SEPSECS: variants seen among roughly 807,000 people sequenced by gnomAD.
The protein encoded by SEPSECS is Sep (O-phosphoserine) tRNA:Sec (selenocysteine) tRNA synthase.
A neutral mutation model predicts 52.1 loss-of-function variants in SEPSECS; 42 were observed. The ratio of observed to expected loss-of-function variants is 0.81; its 90% CI spans 0.63 to 1.04. The LOEUF (loss-of-function observed/expected upper bound fraction) is 1.04. Ranked by LOEUF, SEPSECS falls within the 50% of genes least tolerant of loss-of-function variation. The probability of loss-of-function intolerance (pLI) is 0.00; values close to 1 mark genes in which losing one functional copy is unlikely to be tolerated. For synonymous variants in SEPSECS, 216 were observed against 211.4 expected (o/e 1.02, Z -0.19); for missense variants, 590 against 610.6 (o/e 0.97, Z 0.36).
At position 25,160,291 on chromosome 4, in the gene SEPSECS, AGCGGCGG is replaced by A; in HGVS notation, c.72_78del (p.Arg26MetfsTer40). 6.4e-7 allele frequency: 1 copy of A among 1,552,526 alleles called. No homozygotes were observed. Among genetic ancestry groups the A allele is most frequent in the Non-Finnish European group, 8.7e-7 (1 of 1,147,720 alleles). On this transcript the variant is annotated frameshift_variant, in exon 1 of 11. Coordinates refer to ENST00000382103, the MANE Select transcript of SEPSECS (RefSeq NM_016955.4). LOFTEE classifies it high-confidence loss of function. Reference sequence around the variant, plus strand: ...AGCAGCCGTATGAGGTGCTCATGCGAGCGGCGGGCCTCACAGCCCTGCCGCACGTAAG... The same window carrying A: ...AGCAGCCGTATGAGGTGCTCATGCGAGCCTCACAGCCCTGCCGCACGTAAG...
chr4:25,141,016 T>C (rs1347867443), intron 8 of SEPSECS, among the ~76,000 whole-genome samples: 1 of 152,160 alleles, frequency 6.6e-6, no homozygotes, highest in Non-Finnish European at 1.5e-5. Flanking sequence ...TTATGTAACA[T>C]TTATATTGTA....
In SEPSECS at chr4:25,156,881, C is replaced by A; in HGVS notation, c.363G>T (p.Leu121Phe). ...CAGCCAGCTTTATAATGTCCAGGAC[C>A]AAAGAATTGGTAATTTTGTTCAAAA... is the stretch of plus-strand genomic sequence containing the variant. ...SSLLNKITNS[L>F]VLDIIKLAGV... The change falls in exon 3 of 11, where the codon TTG (leucine) becomes TTT (phenylalanine). Residue 121 changes from leucine (L) to phenylalanine (F), a missense_variant. Transcript: ENST00000382103. 1 of 1,605,750 alleles carries A rather than the reference C, an allele frequency of 6.2e-7. No homozygotes were observed. The highest frequency in any genetic ancestry group is 8.5e-7 in the Non-Finnish European group (1 of 1,172,684).
intron 8 of SEPSECS, among the ~76,000 whole-genome samples, chr4:25,138,008 A>G (rs2109014908): frequency 6.6e-6 from 1 of 152,328 alleles, no homozygotes; most frequent in Admixed American, 6.5e-5. Context: ...TGGGAGCTGA[A>G]CAATGAGAAC....
intron 10 of SEPSECS, 188 bp downstream of exon 10, chr4:25,125,506 G>C (rs1444592401): frequency 1.7e-5 from 10 of 605,306 alleles, no homozygotes; most frequent in Non-Finnish European, 2.7e-5. Context: ...GACTATTTCA[G>C]GCATAAGCAG....
chr4:25,132,582 G>T (rs1026037796), intron 8 of SEPSECS, among the ~76,000 whole-genome samples: 1 of 152,194 alleles, frequency 6.6e-6, no homozygotes, highest in African/African-American at 2.4e-5. Context: ...CCTACTAAAT[G>T]AAGTTGTTAA....
chr4:25,152,970 C>T (rs951729095), intron 5 of SEPSECS, among the ~76,000 whole-genome samples: 5 of 151,984 alleles, frequency 3.3e-5, no homozygotes, highest in South Asian at 2.1e-4. Flanking sequence ...TACCGATTTA[C>T]GCATAATACA....
intron 8 of SEPSECS, among the ~76,000 whole-genome samples, chr4:25,138,338 A>T (rs1242467987): frequency 1.3e-5 from 2 of 152,120 alleles, no homozygotes; most frequent in African/African-American, 4.8e-5. Flanking sequence ...TATTTAGTTT[A>T]AAAATAAACT....
At chr4:25,143,111 C>CAACAATCT (rs1666704531) in intron 8 of SEPSECS, among the ~76,000 whole-genome samples, 1 of 152,146 alleles carries the variant, frequency 6.6e-6, no homozygotes, top group African/African-American at 2.4e-5. Context: ...CTCTTGGCTA[C>CAACAATCT]AACAATCTAC....
chr4:25,158,879 T>C (rs551006246), intron 2 of SEPSECS, 74 bp downstream of exon 2: 26 of 1,390,002 alleles, frequency 1.9e-5, no homozygotes, highest in Middle Eastern at 1.8e-4. Context: ...TCTAATAAGA[T>C]AAATACTGCT....
chr4:25,154,612 ATTT>A (rs539983108), intron 5 of SEPSECS, among the ~76,000 whole-genome samples: 1 of 151,728 alleles, frequency 6.6e-6, no homozygotes, highest in African/African-American at 2.4e-5. Context: ...AACAATCCTA[ATTT>A]TTTTTTAATT....
At position 25,156,855 on chromosome 4, in the gene SEPSECS, C is replaced by T. The variant is rs2109035570; in HGVS notation, c.388+1G>A. The T allele has an allele frequency of 2.6e-6, 4 of 1,515,514 alleles. No homozygotes were observed. The highest frequency in any genetic ancestry group is 2.3e-5 in the East Asian group (1 of 44,274). 93.9% of individuals were successfully genotyped at this position (1,515,514 alleles called of 1,614,324 possible). On this transcript the variant is annotated splice_donor_variant, in intron 3 of 10. Transcript: ENST00000382103. LOFTEE classifies it high-confidence loss of function. ...AGCATTATGATTAAGACGGTACATA[C>T]CAGCCAGCTTTATAATGTCCAGGAC...
chr4:25,156,524 G>A (rs1712652102), intron 3 of SEPSECS, among the ~76,000 whole-genome samples: 1 of 151,578 alleles, frequency 6.6e-6, no homozygotes, highest in South Asian at 2.1e-4. Flanking sequence ...CTAACACGGT[G>A]AGACCCCCGT....
At chr4:25,132,456 T>C (rs1050173568) in intron 8 of SEPSECS, among the ~76,000 whole-genome samples, 1 of 152,142 alleles carries the variant, frequency 6.6e-6, no homozygotes, top group Non-Finnish European at 1.5e-5. Context: ...GCAAGTCCAT[T>C]TAAACAAAAG....
At position 25,123,708 on chromosome 4, in the gene SEPSECS, C is replaced by T. The variant is rs146860744; in HGVS notation, c.*223G>A. On this transcript the variant is annotated 3_prime_UTR_variant, in exon 11 of 11. Coordinates refer to ENST00000382103, the MANE Select transcript of SEPSECS (RefSeq NM_016955.4). ...AGATATTCTAACAATTAGAAAAATGCTAATTGTATATTATAACCTGTTAAG... is the reference window on the plus strand; with the variant it reads ...AGATATTCTAACAATTAGAAAAATGTTAATTGTATATTATAACCTGTTAAG... 1.4e-3 allele frequency: 770 copies of T among 536,948 alleles called. 6 individuals carry two copies. In the East Asian group the frequency reaches 0.021, roughly 15 times the overall value. The allele number at this position is 536,948 out of a possible 1,614,324, so 33.3% of individuals were successfully genotyped here.
intron 8 of SEPSECS, among the ~76,000 whole-genome samples, chr4:25,134,355 T>C (rs1461460319): frequency 6.7e-6 from 1 of 149,058 alleles, no homozygotes; most frequent in East Asian, 1.9e-4. Context: ...TGTGTGTGTA[T>C]AAAATTTGCT....
chr4:25,156,248 CCTT>C, intron 3 of SEPSECS, 53 bp from the exon 4 acceptor site: 5 of 1,480,286 alleles, frequency 3.4e-6, no homozygotes, highest in Non-Finnish European at 4.7e-6. Context: ...CACCCAGCAT[CCTT>C]CTTGAGGAAA....
chr4:25,129,568 G>A (rs888026767), intron 8 of SEPSECS, among the ~76,000 whole-genome samples: 3 of 151,482 alleles, frequency 2.0e-5, no homozygotes, highest in Non-Finnish European at 4.4e-5. Flanking sequence ...GTTGCAGTGA[G>A]CCAAGATTGT....
At position 25,122,089 on chromosome 4, in the gene SEPSECS, T is replaced by C. The variant is rs750476628; in HGVS notation, c.*1842A>G. 6.6e-6 allele frequency: 1 copy of C among 152,188 alleles called. No homozygotes were observed. 9.4% of individuals were successfully genotyped at this position (152,188 alleles called of 1,614,324 possible). On this transcript the variant is annotated 3_prime_UTR_variant, in exon 11 of 11. Coordinates refer to ENST00000382103, the MANE Select transcript of SEPSECS (RefSeq NM_016955.4). ...TCAGCAATTTAGTCCCAAATTCTCA[T>C]GAAAAATTTACACTTTTTAATCCAG...
chr4:25,155,950 T>C, intron 4 of SEPSECS, 87 bp downstream of exon 4: 1 of 1,285,918 alleles, frequency 7.8e-7, no homozygotes, highest in South Asian at 1.3e-5. Context: ...AGAGAGTTAG[T>C]TTATTTTTCA....
Sources: allele counts gnomAD v4.1 joint callset (sites outside exome capture counted in the v4.1 genomes callset), GRCh38; gene constraint gnomAD v4.1.1; transcripts MANE v1.5; gene names NCBI Gene and HGNC (gene_info 2026-07-23, HGNC 2026-07-21).